Variants in UVRAG observed in about 807,000 individuals in gnomAD.
UVRAG encodes the protein UV radiation resistance associated.
UVRAG carries 19 observed loss-of-function variants against 78.0 expected under a neutral mutation model. That is an observed-to-expected ratio of 0.24 (90% CI 0.17 to 0.36). UVRAG has a LOEUF of 0.36. Among genes scored for constraint, UVRAG ranks in the 10% least tolerant of loss-of-function variants. UVRAG has a pLI of 1.00. For synonymous variants in UVRAG, 323 were observed against 324.6 expected (o/e 1.00, Z 0.05); for missense variants, 740 against 853.8 (o/e 0.87, Z 1.66).
At chr11:75,859,538 T>G (rs899217985) in intron 2 of UVRAG, among the ~76,000 whole-genome samples, 3 of 152,044 alleles carry the variant, frequency 2.0e-5, no homozygotes, top group African/African-American at 7.2e-5. Flanking sequence ...TATAAAATAT[T>G]TTAAATACAT....
intron 12 of UVRAG, among the ~76,000 whole-genome samples, chr11:76,037,703 C>A (rs571288136): frequency 6.6e-6 from 1 of 152,090 alleles, no homozygotes; most frequent in African/African-American, 2.4e-5. Context: ...AAGAGCAAGA[C>A]CCTGTCGCAA....
chr11:76,078,816 C>T (rs1158181378), intron 13 of UVRAG, among the ~76,000 whole-genome samples: 1 of 150,048 alleles, frequency 6.7e-6, no homozygotes, highest in African/African-American at 2.5e-5. Context: ...GTAGTCCCAG[C>T]TACTCAGGAG....
chr11:76,032,856 A>G (rs1156280587), intron 12 of UVRAG, among the ~76,000 whole-genome samples: 1 of 152,206 alleles, frequency 6.6e-6, no homozygotes, highest in Admixed American at 6.5e-5. Context: ...AAGTGAATTC[A>G]CTTTACACTG....
chr11:75,948,971 A>G (rs1453386512), intron 6 of UVRAG, among the ~76,000 whole-genome samples: 1 of 152,202 alleles, frequency 6.6e-6, no homozygotes, highest in African/African-American at 2.4e-5. Flanking sequence ...AAGATAAACT[A>G]CAATTAGTAA....
intron 6 of UVRAG, among the ~76,000 whole-genome samples, chr11:75,944,865 G>T (rs1948558501): frequency 6.6e-6 from 1 of 152,096 alleles, no homozygotes; most frequent in African/African-American, 2.4e-5. Context: ...TATCAGAAGA[G>T]GGAGGCTTGG....
chr11:76,006,693 G>A (rs757195558), intron 9 of UVRAG, among the ~76,000 whole-genome samples: 12 of 145,942 alleles, frequency 8.2e-5, no homozygotes, highest in East Asian at 2.0e-4. Flanking sequence ...AAAAGAGAGA[G>A]AGAAGGGTAA....
At chr11:76,033,587 A>T (rs1950476449) in intron 12 of UVRAG, among the ~76,000 whole-genome samples, 1 of 152,158 alleles carries the variant, frequency 6.6e-6, no homozygotes, top group East Asian at 1.9e-4. Context: ...CATAGCTTTT[A>T]GATTAACTAA....
At chr11:75,896,366 A>C (rs1384376167) in intron 5 of UVRAG, among the ~76,000 whole-genome samples, 2 of 152,216 alleles carry the variant, frequency 1.3e-5, no homozygotes, top group African/African-American at 4.8e-5. Flanking sequence ...TTTTGCCTTT[A>C]ATGTATACAG....
intron 10 of UVRAG, 31 bp downstream of exon 10, chr11:76,007,652 C>A: frequency 6.4e-7 from 1 of 1,573,964 alleles, no homozygotes; most frequent in Non-Finnish European, 8.7e-7. Context: ...AAATATTTTT[C>A]GTTTTGAAAA....
intron 7 of UVRAG, among the ~76,000 whole-genome samples, chr11:75,969,552 C>T (rs1177316237): frequency 6.6e-6 from 1 of 152,018 alleles, no homozygotes; most frequent in Non-Finnish European, 1.5e-5. Context: ...GCAGTAGGGC[C>T]TTTATTGATG....
rs1952749868 is a variant in UVRAG, at chr11:76,143,007, T to A, written c.*1594T>A. Reference sequence around the variant, plus strand: ...CCAACTCTCAGGCAGTCGAAAGCTTTAACTGGATCTGCAGAAGCCCATCTT... The same window carrying A: ...CCAACTCTCAGGCAGTCGAAAGCTTAAACTGGATCTGCAGAAGCCCATCTT... On this transcript the variant is annotated 3_prime_UTR_variant, in exon 15 of 15. Coordinates refer to ENST00000356136, the MANE Select transcript of UVRAG (RefSeq NM_003369.4). 1 of 152,208 alleles carries A rather than the reference T, an allele frequency of 6.6e-6. No individual in the cohort carries two copies. The highest frequency in any genetic ancestry group is 1.5e-5 in the Non-Finnish European group (1 of 68,036). 9.4% of individuals were successfully genotyped at this position (152,208 alleles called of 1,614,324 possible).
intron 1 of UVRAG, among the ~76,000 whole-genome samples, chr11:75,841,928 T>G (rs530909554): frequency 2.6e-5 from 4 of 152,188 alleles, no homozygotes; most frequent in Non-Finnish European, 2.9e-5. Context: ...TGGTCTGAGC[T>G]TGGTGGGAAC....
chr11:75,972,112 T>G (rs528060553), intron 7 of UVRAG, among the ~76,000 whole-genome samples: 1 of 152,214 alleles, frequency 6.6e-6, no homozygotes, highest in East Asian at 1.9e-4. Flanking sequence ...ATGAGAGTTC[T>G]TTGTATATTT....
chr11:75,831,014 A>G (rs1357248546), intron 1 of UVRAG, among the ~76,000 whole-genome samples: 1 of 152,150 alleles, frequency 6.6e-6, no homozygotes, highest in Non-Finnish European at 1.5e-5. Flanking sequence ...AAATGGGCAT[A>G]ATAATAGCCT....
intron 6 of UVRAG, among the ~76,000 whole-genome samples, chr11:75,941,419 G>A (rs78071389): frequency 0.089 from 13,506 of 152,028 alleles, 1,023 homozygotes; most frequent in African/African-American, 0.21. Flanking sequence ...ACTACAGGTT[G>A]AGCATCCCTT....
intron 7 of UVRAG, among the ~76,000 whole-genome samples, chr11:75,964,748 A>G (rs1948980442): frequency 6.6e-6 from 1 of 152,208 alleles, no homozygotes; most frequent in African/African-American, 2.4e-5. Context: ...TGAAAGTACA[A>G]AAAATTAGCT....
chr11:75,954,056 A>G (rs1372115538), intron 6 of UVRAG, among the ~76,000 whole-genome samples: 1 of 152,190 alleles, frequency 6.6e-6, no homozygotes. Flanking sequence ...CTTTATCCCC[A>G]GGGGAATCAG....
intron 12 of UVRAG, among the ~76,000 whole-genome samples, chr11:76,021,502 T>C (rs1356384124): frequency 6.6e-6 from 1 of 152,208 alleles, no homozygotes; most frequent in Non-Finnish European, 1.5e-5. Context: ...GTTTTTTTGC[T>C]CTCCATTTTG....
At chr11:76,110,208 G>GTATATATATATA in intron 13 of UVRAG, among the ~76,000 whole-genome samples, 1 of 120,628 alleles carries the variant, frequency 8.3e-6, no homozygotes, top group African/African-American at 5.3e-5. Context: ...TATATATCTG[G>GTATATATATATA]TACATATATA....
Sources: gnomAD v4.1 joint callset for allele counts (sites outside exome capture counted in the v4.1 genomes callset) on GRCh38, gnomAD v4.1.1 for gene constraint, MANE v1.5 for transcripts, NCBI Gene and HGNC (gene_info 2026-07-23, HGNC 2026-07-21) for gene names.